DNAI3: variants seen among roughly 807,000 people sequenced by gnomAD.
DNAI3 encodes dynein axonemal intermediate chain 3, also known as WD repeat domain 63.
DNAI3 carries 83 observed loss-of-function variants against 115.5 expected under a neutral mutation model. The observed-to-expected ratio is 0.72, with a 90% CI of 0.60 to 0.86. DNAI3 has a LOEUF of 0.86. Among genes scored for constraint, DNAI3 ranks in the 40% least tolerant of loss-of-function variants. The pLI is 0.00. For synonymous variants in DNAI3, 320 were observed against 347.0 expected (o/e 0.92, Z 0.86); for missense variants, 1,004 against 1,075.8 (o/e 0.93, Z 0.93).
chr1:85,103,931 A>ATT (rs1655406574), intron 13 of DNAI3, among the ~76,000 whole-genome samples: 2 of 143,898 alleles, frequency 1.4e-5, no homozygotes, highest in African/African-American at 5.1e-5. Context: ...TAATAATAAT[A>ATT]ATTTATGAAT....
rs753513222 is a variant in DNAI3 at position 85,084,611 on chromosome 1, T to G, written c.456T>G (p.Tyr152Ter). ...ATATTCCTGAAGATGTGTATATTTA[T>G]AAACCACCTGTCTCTAAACCATGGG... ...KEHIPEDVYIYKPPVSKPWVS... is the reference protein window; with the variant it reads ...KEHIPEDVYI Residue 152 changes from tyrosine (Y) to a stop codon, truncating the protein, a stop_gained, in exon 6 of 23, where the codon TAT (tyrosine) becomes TAG (stop). Coordinates refer to ENST00000294664, the MANE Select transcript of DNAI3 (RefSeq NM_145172.5). LOFTEE classifies it high-confidence loss of function. 1 of 1,579,444 alleles carries G rather than the reference T, an allele frequency of 6.3e-7. No homozygotes were observed. Among genetic ancestry groups the G allele is most frequent in the Non-Finnish European group, 8.6e-7 (1 of 1,164,328 alleles).
In DNAI3 at chr1:85,110,188, AC is replaced by A; in HGVS notation, c.1786+54del. The A allele has an allele frequency of 1.4e-5, 21 of 1,527,342 alleles. No individual in the cohort carries two copies. In the South Asian group the frequency reaches 2.4e-4, roughly 17 times the overall value. The allele number at this position is 1,527,342 out of a possible 1,614,324, so 94.6% of individuals were successfully genotyped here. A position where few individuals can be genotyped will look rare whatever the true frequency, so the allele number is the denominator to read the frequency against. ...AAAAAAAGGCCGGGCGCGGTGGCTC[AC>A]GCCTGTAATCCCAGCACTTCGGGAG... On this transcript the variant is annotated intron_variant, in intron 16 of 22. Transcript: ENST00000294664.
chr1:85,074,732 G>A (rs973706558), intron 3 of DNAI3, among the ~76,000 whole-genome samples: 2 of 152,100 alleles, frequency 1.3e-5, no homozygotes, highest in Non-Finnish European at 2.9e-5. Context: ...TTGCTCCTAG[G>A]GGAAACACAG....
At chr1:85,099,675 G>A (rs956974567) in intron 13 of DNAI3, among the ~76,000 whole-genome samples, 10 of 152,172 alleles carry the variant, frequency 6.6e-5, no homozygotes, top group Non-Finnish European at 1.2e-4. Flanking sequence ...TCAATCCTAA[G>A]CCAAAAGAAC....
At chr1:85,124,403 C>T in intron 19 of DNAI3, 152 bp downstream of exon 19, 1 of 1,008,318 alleles carries the variant, frequency 9.9e-7, no homozygotes, top group Non-Finnish European at 1.5e-6. Flanking sequence ...GTCAGCAGAA[C>T]CACTGTAATC....
chr1:85,104,281 C>T (rs1013195986), intron 13 of DNAI3, among the ~76,000 whole-genome samples: 21 of 151,972 alleles, frequency 1.4e-4, no homozygotes, highest in Non-Finnish European at 2.4e-4. Flanking sequence ...CCACCACGCC[C>T]GGCTAATTTT....
At chr1:85,079,172 T>G (rs889977122) in intron 3 of DNAI3, among the ~76,000 whole-genome samples, 1 of 152,326 alleles carries the variant, frequency 6.6e-6, no homozygotes. Context: ...ACAAATGCAG[T>G]CTGTTTGCAG....
chr1:85,082,509 A>G, intron 5 of DNAI3, 105 bp downstream of exon 5: 4 of 838,780 alleles, frequency 4.8e-6, no homozygotes, highest in Non-Finnish European at 7.7e-6. Context: ...GCAGTGGCAC[A>G]ATCATGGTCA....
chr1:85,082,205 T>C (rs1448266005), intron 4 of DNAI3, 95 bp from the exon 5 acceptor site: 3 of 945,228 alleles, frequency 3.2e-6, no homozygotes, highest in East Asian at 2.6e-5. Context: ...TCTTCTATAA[T>C]TGGTTGATTA....
chr1:85,092,168 C>A (rs966612977), intron 8 of DNAI3, among the ~76,000 whole-genome samples: 2 of 152,058 alleles, frequency 1.3e-5, no homozygotes, highest in Non-Finnish European at 2.9e-5. Context: ...TTCTAACAGC[C>A]CCAGGTCATG....
At position 85,084,555 on chromosome 1, in the gene DNAI3, G is replaced by A; in HGVS notation, c.400G>A (p.Val134Ile). 2 of 1,454,412 alleles carry A rather than the reference G, an allele frequency of 1.4e-6. No homozygotes were observed. Among genetic ancestry groups the A allele is most frequent in the East Asian group, 5.2e-5 (2 of 38,198 alleles). The allele number at this position is 1,454,412 out of a possible 1,614,324, so 90.1% of individuals were successfully genotyped here. Residue 134 changes from valine (V) to isoleucine (I), a missense_variant, in exon 6 of 23, where the codon GTA becomes ATA. By Grantham distance (29) the Val-to-Ile change is conservative. This residue lies in a region of DNAI3 where 550 missense variants were observed against 568.1 expected (regional missense o/e 0.97). Coordinates refer to ENST00000294664, the MANE Select transcript of DNAI3 (RefSeq NM_145172.5). ...GKENYLNPPE[V>I]PEEQEEYKEH... is the part of the protein sequence containing the mutation. ...ATTTATTTTACTTTAGCCCCCAGAA[G>A]TACCAGAAGAACAAGAAGAATATAA...
At chr1:85,089,126 T>C (rs1313445417) in intron 7 of DNAI3, among the ~76,000 whole-genome samples, 1 of 152,190 alleles carries the variant, frequency 6.6e-6, no homozygotes, top group Non-Finnish European at 1.5e-5. Flanking sequence ...GTTGATCATT[T>C]AAAATGTGCT....
chr1:85,066,493 AT>A (rs1185968562), intron 1 of DNAI3, among the ~76,000 whole-genome samples: 1 of 151,276 alleles, frequency 6.6e-6, no homozygotes, highest in African/African-American at 2.4e-5. Context: ...CGCCTGGATA[AT>A]TTTTTTGTAT....
chr1:85,105,571 A>G, intron 14 of DNAI3, among the ~76,000 whole-genome samples: 1 of 151,954 alleles, frequency 6.6e-6, no homozygotes, highest in East Asian at 1.9e-4. Context: ...AGAAAAGAAA[A>G]TATGAGGCTC....
At chr1:85,124,349 A>T in intron 19 of DNAI3, 98 bp downstream of exon 19, 1 of 1,554,416 alleles carries the variant, frequency 6.4e-7, no homozygotes, top group Non-Finnish European at 8.8e-7. Context: ...TGCCTTTGGG[A>T]CACTTTTTAG....
chr1:85,066,313 T>TC lies in DNAI3; in HGVS notation c.-15+3828dup. 1.9e-5 allele frequency among the ~76,000 whole-genome samples: 2 copies of TC among 103,068 alleles called. 1 individual carries two copies. Among genetic ancestry groups the TC allele is most frequent in the Non-Finnish European group, 4.0e-5 (2 of 50,470 alleles). 67.6% of individuals were successfully genotyped at this position (103,068 alleles called of 152,430 possible). ...GTAGACGAATTATCTCTTCTGCTAC[T>TC]CTTTTTTTTTTTTTTTTTTTTTTTT... On this transcript the variant is annotated intron_variant, in intron 1 of 22. Coordinates refer to ENST00000294664, the MANE Select transcript of DNAI3 (RefSeq NM_145172.5).
intron 3 of DNAI3, among the ~76,000 whole-genome samples, chr1:85,079,256 CT>C (rs1163931997): frequency 2.6e-5 from 4 of 151,154 alleles, no homozygotes; most frequent in African/African-American, 9.9e-5. Flanking sequence ...TATGGTTAGT[CT>C]TTTGAGGGAG....
Position 85,097,671 on chromosome 1 carries a change from C to T in DNAI3, c.1350+16C>T. 1 of 1,596,656 alleles carries T rather than the reference C, an allele frequency of 6.3e-7. No individual in the cohort carries two copies. Among genetic ancestry groups the T allele is most frequent in the East Asian group, 2.3e-5 (1 of 44,362 alleles). On this transcript the variant is annotated intron_variant, in intron 12 of 22. Transcript: ENST00000294664. Reference sequence around the variant, plus strand: ...CACACTGAAGGTAAGCTTTTTACAACATTTCACTTGCAAGTTTTTTCCATT... The same window carrying T: ...CACACTGAAGGTAAGCTTTTTACAATATTTCACTTGCAAGTTTTTTCCATT...
At chr1:85,070,544 G>T (rs72946760) in intron 1 of DNAI3, among the ~76,000 whole-genome samples, 2,622 of 152,006 alleles carry the variant, frequency 0.017, 74 homozygotes, top group African/African-American at 0.061. Flanking sequence ...ATAAAATGTG[G>T]TTATCTAGTA....
Sources: gnomAD v4.1 joint callset for allele counts (sites outside exome capture counted in the v4.1 genomes callset) on GRCh38, gnomAD v4.1.1 for gene constraint, gnomAD v4.1.1 regional missense constraint, MANE v1.5 for transcripts, NCBI Gene and HGNC (gene_info 2026-07-23, HGNC 2026-07-21) for gene names.